SRGAP3: variants seen among roughly 807,000 people sequenced by gnomAD.
The protein encoded by SRGAP3 is SLIT-ROBO Rho GTPase-activating protein 3.
A neutral mutation model predicts 121.1 loss-of-function variants in SRGAP3; 39 were observed. The observed-to-expected ratio is 0.32, with a 90% CI of 0.25 to 0.42. SRGAP3 has a LOEUF of 0.42. Ranked by LOEUF, SRGAP3 falls within the 10% of genes least tolerant of loss-of-function variation. The pLI is 1.00. For synonymous variants in SRGAP3, 601 were observed against 570.0 expected (o/e 1.05, Z -0.77); for missense variants, 1,213 against 1,470.6 (o/e 0.82, Z 2.86).
chr3:9,185,577 G>C (rs1951571079), intron 1 of SRGAP3, among the ~76,000 whole-genome samples: 1 of 151,734 alleles, frequency 6.6e-6, no homozygotes, highest in Non-Finnish European at 1.5e-5. Flanking sequence ...TGTCACCCAG[G>C]CTGGAGTGCA....
At chr3:9,211,721 G>A (rs2125178800) in intron 1 of SRGAP3, among the ~76,000 whole-genome samples, 1 of 141,112 alleles carries the variant, frequency 7.1e-6, no homozygotes, top group East Asian at 2.6e-4. Flanking sequence ...AGGCTGGAGT[G>A]CAGTGGCACA....
At chr3:9,286,505 T>C (rs895299319) in intron 3 of SRGAP3, among the ~76,000 whole-genome samples, 2 of 151,920 alleles carry the variant, frequency 1.3e-5, no homozygotes, top group South Asian at 4.2e-4. Flanking sequence ...TATTTTTTTT[T>C]AAATCCAAGA....
chr3:9,278,887 T>A (rs1332277144), intron 3 of SRGAP3, among the ~76,000 whole-genome samples: 1 of 152,248 alleles, frequency 6.6e-6, no homozygotes, highest in Non-Finnish European at 1.5e-5. Context: ...ACAGGCTGTC[T>A]TTTGATCTCT....
intron 3 of SRGAP3, among the ~76,000 whole-genome samples, chr3:9,098,057 G>A (rs751792221): frequency 2.6e-5 from 4 of 152,056 alleles, no homozygotes; most frequent in South Asian, 2.1e-4. Flanking sequence ...TTTGAGGCTC[G>A]CTTCAAATGC....
intron 17 of SRGAP3, among the ~76,000 whole-genome samples, chr3:9,010,822 G>C (rs399747): frequency 6.6e-6 from 1 of 152,040 alleles, no homozygotes; most frequent in African/African-American, 2.4e-5. Flanking sequence ...ATCCCAGGAG[G>C]TAAGATGAAG....
chr3:8,990,685 T>TC lies in SRGAP3; in HGVS notation c.2712dup (p.Arg905GlufsTer6), dbSNP rs1454548869. 6.2e-7 allele frequency: 1 copy of TC among 1,613,300 alleles called. No individual in the cohort carries two copies. The highest frequency in any genetic ancestry group is 8.5e-7 in the Non-Finnish European group (1 of 1,179,846). On this transcript the variant is annotated frameshift_variant, in exon 21 of 22. Transcript: ENST00000383836. LOFTEE classifies it high-confidence loss of function. ...CTCCGCTTCTCAGGGCTCTCGATCC[T>TC]CCCCCGGGTGAGGGGGATTTTGTGG... is the stretch of plus-strand genomic sequence containing the variant.
chr3:9,209,685 G>A (rs992277985), intron 1 of SRGAP3, among the ~76,000 whole-genome samples: 2 of 152,288 alleles, frequency 1.3e-5, no homozygotes, highest in African/African-American at 4.8e-5. Flanking sequence ...AAAGATGGCT[G>A]ATAAAGCATT....
chr3:9,051,402 C>G (rs557845354), intron 9 of SRGAP3, among the ~76,000 whole-genome samples: 5 of 152,276 alleles, frequency 3.3e-5, no homozygotes, highest in Admixed American at 3.3e-4. Flanking sequence ...GCCATGCTTA[C>G]TGAATCTGCA....
chr3:9,082,289 T>C (rs780973400), intron 3 of SRGAP3, among the ~76,000 whole-genome samples: 93 of 152,212 alleles, frequency 6.1e-4, no homozygotes, highest in Admixed American at 3.9e-3. Flanking sequence ...ATTAAACCTC[T>C]TTTCTTTACA....
intron 12 of SRGAP3, among the ~76,000 whole-genome samples, chr3:9,032,017 G>A (rs1013610094): frequency 3.9e-5 from 6 of 152,092 alleles, no homozygotes; most frequent in South Asian, 2.1e-4. Context: ...AGAGAAACTC[G>A]CCTAGCTAAA....
At chr3:9,206,002 T>G (rs945965867) in intron 1 of SRGAP3, among the ~76,000 whole-genome samples, 1 of 152,140 alleles carries the variant, frequency 6.6e-6, no homozygotes, top group African/African-American at 2.4e-5. Context: ...ATTTAATGGG[T>G]GCAGAGTTTC....
chr3:9,060,180 G>A (rs1946074240), intron 6 of SRGAP3, 51 bp downstream of exon 6: 8 of 1,612,832 alleles, frequency 5.0e-6, no homozygotes, highest in Non-Finnish European at 6.8e-6. Flanking sequence ...AGTGACATGT[G>A]CCAGCCCTGG....
intron 4 of SRGAP3, among the ~76,000 whole-genome samples, chr3:9,078,900 T>C (rs776907617): frequency 3.2e-4 from 48 of 152,180 alleles, no homozygotes; most frequent in Non-Finnish European, 6.9e-4. Context: ...GTTTTACTGA[T>C]TGGGAGACTG....
Position 9,005,848 on chromosome 3 carries a change from G to T in SRGAP3, c.2227+4460C>A, listed in dbSNP as rs116744048. On this transcript the variant is annotated intron_variant, in intron 18 of 21. Coordinates refer to ENST00000383836, the MANE Select transcript of SRGAP3 (RefSeq NM_014850.4). ...AAGATGATGAAAATGTTCTCAAATT[G>T]ACCATGGTGATGGTTGCACATATCT... Among the ~76,000 whole-genome samples, 1,507 of 152,224 alleles carry T rather than the reference G, an allele frequency of 9.9e-3. 61 individuals carry two copies. Among genetic ancestry groups the T allele is most frequent in the Admixed American group, 0.08 (1,225 of 15,272 alleles).
In SRGAP3 at chr3:9,058,637, C is replaced by T. The variant is rs1298302862; in HGVS notation, c.802-165G>A. 1.0e-5 allele frequency: 7 copies of T among 685,632 alleles called. No homozygotes were observed. In the East Asian group the frequency reaches 1.4e-4, roughly 13 times the overall value. 42.5% of individuals were successfully genotyped at this position (685,632 alleles called of 1,614,324 possible). A position where few individuals can be genotyped will look rare whatever the true frequency, so the allele number is the denominator to read the frequency against. ...ATCCTACTGCACAAACCTCACGGCG[C>T]CCCTCAAGGGGAGTTGCGGTTGAGA... On this transcript the variant is annotated intron_variant, in intron 6 of 21. Coordinates refer to ENST00000383836, the MANE Select transcript of SRGAP3 (RefSeq NM_014850.4).
chr3:9,093,805 C>G (rs938420618), intron 3 of SRGAP3, among the ~76,000 whole-genome samples: 1 of 152,200 alleles, frequency 6.6e-6, no homozygotes, highest in African/African-American at 2.4e-5. Context: ...ACTCCCCATT[C>G]AAGAACCTTC....
chr3:9,107,360 C>T lies in SRGAP3; in HGVS notation c.261-2518G>A, dbSNP rs573064688. Among the ~76,000 whole-genome samples, 9 of 152,322 alleles carry T rather than the reference C, an allele frequency of 5.9e-5. No homozygotes were observed. The East Asian group carries it at 1.2e-3, about 20-fold the overall frequency. On this transcript the variant is annotated intron_variant, in intron 2 of 21. Coordinates refer to ENST00000383836, the MANE Select transcript of SRGAP3 (RefSeq NM_014850.4). ...GGTTCCAGTCTATAACAGAGACATA[C>T]GCAGAGCATCAGTTCTGCTGGAGAA...
At chr3:9,345,565 T>C (rs951577830) in intron 1 of SRGAP3, among the ~76,000 whole-genome samples, 1 of 150,346 alleles carries the variant, frequency 6.7e-6, no homozygotes, top group African/African-American at 2.4e-5. Context: ...GGTGGATCAC[T>C]TGAGGCCAGG....
At position 8,993,179 on chromosome 3, in the gene SRGAP3, C is replaced by T. The variant is rs566357625; in HGVS notation, c.2409-124G>A. The T allele has an allele frequency of 9.1e-4, 1,352 of 1,485,340 alleles. 3 individuals carry two copies. Among genetic ancestry groups the T allele is most frequent in the Non-Finnish European group, 1.1e-3 (1,231 of 1,093,710 alleles). The allele number at this position is 1,485,340 out of a possible 1,614,324, so 92.0% of individuals were successfully genotyped here. A position where few individuals can be genotyped will look rare whatever the true frequency, so the allele number is the denominator to read the frequency against. On this transcript the variant is annotated intron_variant, in intron 19 of 21. Coordinates refer to ENST00000383836, the MANE Select transcript of SRGAP3 (RefSeq NM_014850.4). The stretch of plus-strand genomic sequence containing the variant: ...ACTTATGGTTACTTTGTGCCCACAG[C>T]GCTTGCTAGGCCACTGCCCACTGGG...
Sources: allele counts gnomAD v4.1 joint callset (sites outside exome capture counted in the v4.1 genomes callset), GRCh38; gene constraint gnomAD v4.1.1; transcripts MANE v1.5; gene names NCBI Gene and HGNC (gene_info 2026-07-23, HGNC 2026-07-21).